FRMPD4: variants seen among roughly 807,000 people sequenced by gnomAD.
FRMPD4 encodes the protein FERM and PDZ domain-containing protein 4.
In FRMPD4, 22 loss-of-function variants were observed where a neutral mutation model predicts 94.1. The observed-to-expected ratio is 0.23, with a 90% confidence interval of 0.17 to 0.33. FRMPD4 has a LOEUF of 0.33. Ranked by LOEUF, FRMPD4 falls within the 10% of genes least tolerant of loss-of-function variation. FRMPD4 has a pLI of 1.00. For missense variants in FRMPD4, 1,111 were observed against 1,339.9 expected, an observed-to-expected ratio of 0.83 and a Z score of 2.67; for synonymous variants, 631 against 548.6, an observed-to-expected ratio of 1.15 and a Z score of -2.10.
At chrX:12,268,775 A>G (rs145082364) in intron 1 of FRMPD4, among the ~76,000 whole-genome samples, 128 of 112,125 alleles carry the variant, frequency 1.1e-3, no homozygotes, top group African/African-American at 3.8e-3. Flanking sequence ...TTTGATATAA[A>G]TGTCACTTCA....
intron 1 of FRMPD4, among the ~76,000 whole-genome samples, chrX:12,231,047 T>TATATATATATAA (rs1434454075): frequency 3.2e-5 from 1 of 31,738 alleles, no homozygotes; most frequent in Non-Finnish European, 6.0e-5. Flanking sequence ...TATATATATA[T>TATATATATATAA]AAAATATATA....
At chrX:12,099,955 T>C (rs1321589789) in intron 3 of FRMPD4, among the ~76,000 whole-genome samples, 1 of 112,340 alleles carries the variant, frequency 8.9e-6, no homozygotes, top group African/African-American at 3.2e-5. Flanking sequence ...CATAGCCAAA[T>C]CTGGCCTGTG....
chrX:12,334,932 C>G (rs1178153185), intron 1 of FRMPD4, among the ~76,000 whole-genome samples: 1 of 110,465 alleles, frequency 9.1e-6, no homozygotes, highest in African/African-American at 3.3e-5. Context: ...TCATTGCATC[C>G]TCTCAATAAC....
At chrX:12,170,320 C>T (rs1031759439) in intron 1 of FRMPD4, among the ~76,000 whole-genome samples, 3 of 109,885 alleles carry the variant, frequency 2.7e-5, no homozygotes, top group African/African-American at 1.0e-4. Context: ...ATTGTGCTAC[C>T]TCCAGGTAGA....
intron 3 of FRMPD4, among the ~76,000 whole-genome samples, chrX:12,023,299 T>C (rs2054641711): frequency 9.0e-6 from 1 of 111,501 alleles, no homozygotes; most frequent in Non-Finnish European, 1.9e-5. Context: ...ACCCAGTCTA[T>C]GGCATTCTCT....
At chrX:12,137,884 G>A (rs2055621593), upstream of FRMPD4, among the ~76,000 whole-genome samples, 1 of 111,839 alleles carries the variant, frequency 8.9e-6, no homozygotes. Flanking sequence ...GCTCTGCGTG[G>A]CAGACCCCAT....
intron 1 of FRMPD4, among the ~76,000 whole-genome samples, chrX:12,301,432 C>T (rs2054858615): frequency 9.0e-6 from 1 of 111,460 alleles, no homozygotes; most frequent in African/African-American, 3.3e-5. Context: ...GTGGCCACCC[C>T]CAAACAATAT....
Position 12,716,287 on chromosome X carries a change from C to G in FRMPD4, c.1828C>G (p.Leu610Val), listed in dbSNP as rs2042079914. 1 of 1,210,671 alleles carries G rather than the reference C, an allele frequency of 8.3e-7. No homozygotes were observed. The highest frequency in any genetic ancestry group is 1.7e-5 in the African/African-American group (1 of 57,851). Residue 610 changes from leucine (L) to valine (V), a missense_variant, in exon 15 of 17, where the codon CTG becomes GTG. Leu to Val is a conservative substitution (Grantham distance 32, BLOSUM62 1). Transcript: ENST00000675598. The part of the protein sequence containing the change: ...AYSSDGLNQQ[L>V]SQPGEAPCEA... Reference sequence around the variant, plus strand: ...TAGTTCAGATGGACTTAACCAGCAGCTGAGCCAGCCCGGGGAGGCCCCCTG... The same window carrying G: ...TAGTTCAGATGGACTTAACCAGCAGGTGAGCCAGCCCGGGGAGGCCCCCTG...
intron 1 of FRMPD4, among the ~76,000 whole-genome samples, chrX:12,413,388 T>C (rs1464942741): frequency 1.8e-5 from 2 of 112,419 alleles, no homozygotes; most frequent in East Asian, 5.6e-4. Flanking sequence ...CACAGGAATC[T>C]TTGTATTGGG....
At chrX:11,872,212 C>G (rs906087445) in intron 2 of FRMPD4, among the ~76,000 whole-genome samples, 1 of 112,109 alleles carries the variant, frequency 8.9e-6, no homozygotes. Flanking sequence ...ATTGCAGGTA[C>G]AATTCAACTT....
chrX:12,108,770 A>G (rs1199722535), intron 3 of FRMPD4, among the ~76,000 whole-genome samples: 2 of 111,888 alleles, frequency 1.8e-5, no homozygotes, highest in Non-Finnish European at 3.8e-5. Flanking sequence ...CAGGGGTTGC[A>G]ATGCTAGTCT....
chrX:12,474,213 G>T (rs2057560682), intron 1 of FRMPD4, among the ~76,000 whole-genome samples: 1 of 110,108 alleles, frequency 9.1e-6, no homozygotes, highest in African/African-American at 3.4e-5. Flanking sequence ...AATGACTACT[G>T]GGTACATAAC....
At chrX:12,378,061 C>T (rs759913254) in intron 1 of FRMPD4, among the ~76,000 whole-genome samples, 3 of 112,137 alleles carry the variant, frequency 2.7e-5, no homozygotes, top group Non-Finnish European at 5.6e-5. Flanking sequence ...ACCCAAGGTA[C>T]GTTGCAAAGA....
chrX:11,852,821 A>G (rs770413058), intron 1 of FRMPD4, among the ~76,000 whole-genome samples: 10 of 111,719 alleles, frequency 9.0e-5, no homozygotes, highest in African/African-American at 3.3e-4. Flanking sequence ...GGACTTTAAC[A>G]CCCCACTGAG....
At chrX:12,423,231 G>A (rs1425962089) in intron 1 of FRMPD4, among the ~76,000 whole-genome samples, 4 of 104,586 alleles carry the variant, frequency 3.8e-5, no homozygotes, top group East Asian at 3.0e-4. Flanking sequence ...AGAGTGAGAC[G>A]CCGTCTAAAA....
chrX:12,437,291 G>A (rs2057077835), intron 1 of FRMPD4, among the ~76,000 whole-genome samples: 1 of 111,273 alleles, frequency 9.0e-6, no homozygotes, highest in South Asian at 3.7e-4. Context: ...AACTCCCAAG[G>A]TGGTATTACT....
chrX:12,169,014 C>A (rs1601654384), intron 1 of FRMPD4, among the ~76,000 whole-genome samples: 1 of 112,146 alleles, frequency 8.9e-6, no homozygotes, highest in African/African-American at 3.2e-5. Flanking sequence ...AACTATTAAA[C>A]TTATAATTCA....
intron 1 of FRMPD4, among the ~76,000 whole-genome samples, chrX:12,268,108 C>T (rs1007883766): frequency 3.6e-5 from 4 of 112,483 alleles, no homozygotes; most frequent in South Asian, 3.7e-4. Context: ...ACATCTGTAG[C>T]GTCATCTCCC....
chrX:12,631,569 G>A (rs180692960), intron 4 of FRMPD4, among the ~76,000 whole-genome samples: 8 of 105,335 alleles, frequency 7.6e-5, no homozygotes, highest in Non-Finnish European at 1.2e-4. Flanking sequence ...AACAGGCCCC[G>A]GTGTGTGATG....
Sources: allele counts gnomAD v4.1 joint callset (sites outside exome capture counted in the v4.1 genomes callset), GRCh38; gene constraint gnomAD v4.1.1; transcripts MANE v1.5; gene names NCBI Gene and HGNC (gene_info 2026-07-23, HGNC 2026-07-21).